Variants in CFAP54 observed in about 807,000 individuals in gnomAD.
The protein encoded by CFAP54 is cilia- and flagella-associated protein 54.
Under a neutral mutation model 370.4 loss-of-function variants are expected in CFAP54, and 290 were observed. The ratio of observed to expected loss-of-function variants is 0.78; its 90% CI spans 0.71 to 0.86. The LOEUF (loss-of-function observed/expected upper bound fraction) is 0.86. Among genes scored for constraint, CFAP54 ranks in the 40% least tolerant of loss-of-function variants. The pLI, the probability that CFAP54 is intolerant of heterozygous loss-of-function variation, is 0.00. For missense variants in CFAP54, 3,399 were observed against 3,528.7 expected, an observed-to-expected ratio of 0.96 and a Z score of 0.93; for synonymous variants, 1,206 against 1,236.5, an observed-to-expected ratio of 0.98 and a Z score of 0.52.
rs144806778 is a variant in CFAP54, at chr12:96,495,768, C to T, written c.318-5066C>T. On this transcript the variant is annotated intron_variant, in intron 1 of 67. Transcript: ENST00000524981. The stretch of plus-strand genomic sequence containing the variant: ...TATGTAAGCTATTCCCAATGAGCAG[C>T]CTTAACCTGAACTTAGGGTTCAACA... Among the ~76,000 whole-genome samples the T allele has an allele frequency of 5.9e-5, 9 of 152,102 alleles. No individual in the cohort carries two copies. In the East Asian group the frequency reaches 1.5e-3, roughly 26 times the overall value.
intron 50 of CFAP54, among the ~76,000 whole-genome samples, chr12:96,733,159 C>CA (rs1400044910): frequency 6.6e-6 from 1 of 152,158 alleles, no homozygotes; most frequent in East Asian, 1.9e-4. Context: ...GCCCTTGGGA[C>CA]AAAACCTGCA....
chr12:96,834,072 G>C (rs1338542130), intron 66 of CFAP54, among the ~76,000 whole-genome samples: 1 of 152,134 alleles, frequency 6.6e-6, no homozygotes, highest in East Asian at 1.9e-4. Context: ...ACACTCAGTA[G>C]GTGTTTTACT....
At chr12:96,631,762 A>C (rs540507591) in intron 32 of CFAP54, among the ~76,000 whole-genome samples, 14 of 150,220 alleles carry the variant, frequency 9.3e-5, no homozygotes, top group Non-Finnish European at 1.0e-4. Context: ...TTTTTAAATG[A>C]TTTATTCAGT....
chr12:96,497,846 A>T (rs577315755), intron 1 of CFAP54, among the ~76,000 whole-genome samples: 19 of 152,354 alleles, frequency 1.2e-4, no homozygotes, highest in Admixed American at 2.6e-4. Flanking sequence ...TTTTACGTAG[A>T]TAAGACCCCT....
intron 28 of CFAP54, among the ~76,000 whole-genome samples, chr12:96,624,978 A>T (rs1956535022): frequency 6.6e-6 from 1 of 152,222 alleles, no homozygotes; most frequent in Non-Finnish European, 1.5e-5. Context: ...TATTTTCATA[A>T]TATCAGTAAA....
chr12:96,500,292 T>G (rs1184422331), intron 1 of CFAP54, among the ~76,000 whole-genome samples: 1 of 152,178 alleles, frequency 6.6e-6, no homozygotes, highest in African/African-American at 2.4e-5. Flanking sequence ...TAACAGAGAT[T>G]AAGCGGGAAA....
At position 96,647,110 on chromosome 12, in the gene CFAP54, AAAG is replaced by A. The variant is rs773971695; in HGVS notation, c.4548-762_4548-760del. 7 of 152,154 alleles carry A rather than the reference AAAG, an allele frequency of 4.6e-5. No individual in the cohort carries two copies. In the East Asian group the frequency reaches 9.6e-4, roughly 21 times the overall value. 9.4% of individuals were successfully genotyped at this position (152,154 alleles called of 1,614,324 possible). A position where few individuals can be genotyped will look rare whatever the true frequency, so the allele number is the denominator to read the frequency against. On this transcript the variant is annotated intron_variant, in intron 33 of 67. Coordinates refer to ENST00000524981, the MANE Select transcript of CFAP54 (RefSeq NM_001306084.2). The stretch of plus-strand genomic sequence containing the variant: ...TAAAACTTAAAGTATAATAATAAAA[AAAG>A]AATAATGAATATAAACTATTTATTT...
At chr12:96,612,709 T>C (rs529907474) in intron 26 of CFAP54, among the ~76,000 whole-genome samples, 3 of 152,146 alleles carry the variant, frequency 2.0e-5, no homozygotes, top group Non-Finnish European at 4.4e-5. Flanking sequence ...ACTAAGCACA[T>C]GGAAAACATA....
At chr12:96,670,690 C>T (rs1187164968) in intron 39 of CFAP54, among the ~76,000 whole-genome samples, 1 of 152,152 alleles carries the variant, frequency 6.6e-6, no homozygotes, top group African/African-American at 2.4e-5. Flanking sequence ...GTAGTATAAA[C>T]AAGGCCAAGG....
intron 32 of CFAP54, among the ~76,000 whole-genome samples, chr12:96,635,610 A>C (rs1401350007): frequency 1.3e-5 from 2 of 152,172 alleles, no homozygotes; most frequent in Non-Finnish European, 2.9e-5. Context: ...ACATCCCACA[A>C]GTTAAAGGGC....
At position 96,647,861 on chromosome 12, in the gene CFAP54, T is replaced by C; in HGVS notation, c.4548-14T>C. ...CTTATATTGTTTTTTAATATGATTT[T>C]TCCCCCCTTGCAGTTTCCGATCATG... is the stretch of plus-strand genomic sequence containing the variant. On this transcript the variant is annotated splice_polypyrimidine_tract_variant and intron_variant, in intron 33 of 67. Transcript: ENST00000524981. 6.7e-7 allele frequency: 1 copy of C among 1,487,748 alleles called. No individual in the cohort carries two copies. Among genetic ancestry groups the C allele is most frequent in the Non-Finnish European group, 8.9e-7 (1 of 1,129,568 alleles). The allele number at this position is 1,487,748 out of a possible 1,614,324, so 92.2% of individuals were successfully genotyped here. A position where few individuals can be genotyped will look rare whatever the true frequency, so the allele number is the denominator to read the frequency against.
intron 58 of CFAP54, among the ~76,000 whole-genome samples, chr12:96,760,347 A>G (rs1295228963): frequency 6.6e-6 from 1 of 152,160 alleles, no homozygotes; most frequent in Admixed American, 6.5e-5. Flanking sequence ...TGTTTAGTAA[A>G]TTTACAGAGT....
At position 96,498,760 on chromosome 12, in the gene CFAP54, A is replaced by G. The variant is rs189989040; in HGVS notation, c.318-2074A>G. Among the ~76,000 whole-genome samples, 56 of 152,360 alleles carry G rather than the reference A, an allele frequency of 3.7e-4. 1 individual carries two copies. Among genetic ancestry groups the G allele is most frequent in the Non-Finnish European group, 2.9e-5 (2 of 68,036 alleles). On this transcript the variant is annotated intron_variant, in intron 1 of 67. Coordinates refer to ENST00000524981, the MANE Select transcript of CFAP54 (RefSeq NM_001306084.2). ...ATACATTACCAAGGCATGATCCATG[A>G]AAGAAAGAATTGTTAAGTTGGACTT...
chr12:96,646,283 T>C (rs1051961307), intron 33 of CFAP54: 1 of 151,984 alleles, frequency 6.6e-6, no homozygotes, highest in Non-Finnish European at 1.5e-5. Context: ...AACAAGTGGG[T>C]GAAGGATATG....
chr12:96,691,772 A>C (rs977439741), intron 44 of CFAP54, among the ~76,000 whole-genome samples: 5 of 152,246 alleles, frequency 3.3e-5, no homozygotes, highest in African/African-American at 9.6e-5. Flanking sequence ...TATGAGGTAA[A>C]AGACAGACAT....
At chr12:96,564,613 C>T in intron 18 of CFAP54, 31 bp from the exon 19 acceptor site, 1 of 656,254 alleles carries the variant, frequency 1.5e-6, no homozygotes, top group Non-Finnish European at 2.7e-6. Flanking sequence ...TTTTTAATCT[C>T]ACCTTTTTGG....
intron 49 of CFAP54, 134 bp from the exon 50 acceptor site, chr12:96,720,271 A>G: frequency 2.7e-6 from 2 of 737,596 alleles, no homozygotes; most frequent in Non-Finnish European, 3.8e-6. Context: ...TTCTCTGGTA[A>G]TTAGATACCA....
rs999513674 is a variant in CFAP54 at position 96,658,639 on chromosome 12, T to C, written c.5460+293T>C. On this transcript the variant is annotated intron_variant, in intron 38 of 67. Transcript: ENST00000524981. ...TACTTTTTTTTTTTGTTTTTGTTTT[T>C]GTTTTAGATGAAGTCTCACTCTGTC... Among the ~76,000 whole-genome samples the C allele has an allele frequency of 3.3e-5, 5 of 152,112 alleles. 1 individual carries two copies. The highest frequency in any genetic ancestry group is 1.2e-4 in the African/African-American group (5 of 41,402).
chr12:96,754,143 C>T (rs1223596772), intron 56 of CFAP54, among the ~76,000 whole-genome samples: 1 of 152,140 alleles, frequency 6.6e-6, no homozygotes, highest in Non-Finnish European at 1.5e-5. Flanking sequence ...ATTGATTCTT[C>T]TTACACAAAG....
Sources: allele counts gnomAD v4.1 joint callset (sites outside exome capture counted in the v4.1 genomes callset), GRCh38; gene constraint gnomAD v4.1.1; transcripts MANE v1.5; gene names NCBI Gene and HGNC (gene_info 2026-07-23, HGNC 2026-07-21).